DTD1: variants seen among roughly 807,000 people sequenced by gnomAD.
DTD1 encodes the protein D-tyrosyl-tRNA deacylase 1 homolog.
DTD1 carries 13 observed loss-of-function variants against 25.6 expected under a neutral mutation model. That is an observed-to-expected ratio of 0.51 (90% confidence interval 0.33 to 0.81). The LOEUF (loss-of-function observed/expected upper bound fraction) is 0.81. Ranked by LOEUF, DTD1 falls within the 30% of genes least tolerant of loss-of-function variation. The probability of loss-of-function intolerance (pLI) is 0.02; values close to 1 mark genes in which losing one functional copy is unlikely to be tolerated. For missense variants in DTD1, 193 were observed against 266.4 expected (o/e 0.72, Z 1.92); for synonymous variants, 110 against 103.6 (o/e 1.06, Z -0.37).
chr20:18,696,116 A>T (rs923910221), intron 4 of DTD1, among the ~76,000 whole-genome samples: 1 of 152,162 alleles, frequency 6.6e-6, no homozygotes, highest in Non-Finnish European at 1.5e-5. Context: ...TGCTGTTGTC[A>T]TATCTGCACC....
chr20:18,745,881 A>G (rs1329044880), intron 5 of DTD1, among the ~76,000 whole-genome samples: 1 of 152,198 alleles, frequency 6.6e-6, no homozygotes, highest in African/African-American at 2.4e-5. Flanking sequence ...CAAAGTTTAA[A>G]AAGAGCACTC....
At chr20:18,680,417 G>T (rs376015880) in intron 4 of DTD1, among the ~76,000 whole-genome samples, 36 of 105,224 alleles carry the variant, frequency 3.4e-4, no homozygotes, top group African/African-American at 1.2e-3. Flanking sequence ...TGTTGTCTAC[G>T]TTTTTTTTTT....
intron 4 of DTD1, chr20:18,631,985 G>A (rs887209432): frequency 2.3e-6 from 2 of 872,778 alleles, no homozygotes; most frequent in Non-Finnish European, 2.7e-6. Context: ...TACACCATAA[G>A]GAGTGCAGTA....
At chr20:18,715,297 AC>A (rs1427128149) in intron 4 of DTD1, among the ~76,000 whole-genome samples, 1 of 151,956 alleles carries the variant, frequency 6.6e-6, no homozygotes, top group Non-Finnish European at 1.5e-5. Flanking sequence ...CTTGACTGGG[AC>A]CCCTGTTGTT....
chr20:18,706,611 T>G (rs2061127419), intron 4 of DTD1, among the ~76,000 whole-genome samples: 1 of 152,206 alleles, frequency 6.6e-6, no homozygotes, highest in South Asian at 2.1e-4. Flanking sequence ...ACAAGAGTCG[T>G]TGCTTTGACA....
intron 4 of DTD1, among the ~76,000 whole-genome samples, chr20:18,655,675 G>C (rs1433070712): frequency 6.6e-6 from 1 of 152,156 alleles, no homozygotes; most frequent in Non-Finnish European, 1.5e-5. Flanking sequence ...ATCACGTCAG[G>C]GGCAATACCT....
chr20:18,681,992 A>C (rs1310042897), intron 4 of DTD1, among the ~76,000 whole-genome samples: 1 of 152,232 alleles, frequency 6.6e-6, no homozygotes. Flanking sequence ...CAGCGGTGCC[A>C]CTAGCCATGG....
At chr20:18,704,001 C>CTTTT (rs201452682) in intron 4 of DTD1, among the ~76,000 whole-genome samples, 1 of 135,218 alleles carries the variant, frequency 7.4e-6, no homozygotes, top group African/African-American at 2.8e-5. Context: ...TAGTTGGTAG[C>CTTTT]TTTTTTTTTT....
chr20:18,671,023 T>C (rs1194415443), intron 4 of DTD1, among the ~76,000 whole-genome samples: 1 of 152,206 alleles, frequency 6.6e-6, no homozygotes, highest in African/African-American at 2.4e-5. Flanking sequence ...AACTGAGAGA[T>C]GCCTTGTCAA....
chr20:18,686,319 A>G (rs574315211), intron 4 of DTD1, among the ~76,000 whole-genome samples: 5 of 152,274 alleles, frequency 3.3e-5, no homozygotes, highest in East Asian at 1.9e-4. Context: ...CCAATCTCCT[A>G]TTGTTGGATA....
Position 18,763,592 on chromosome 20 carries a change from G to A in DTD1, c.*252G>A, listed in dbSNP as rs914817314. The stretch of plus-strand genomic sequence containing the variant: ...CCAGGGGGCGGGTGCGCATGTGGTA[G>A]AAGGTGTGCGCTCGTGCCTCCCCCA... On this transcript the variant is annotated 3_prime_UTR_variant, in exon 6 of 6. Coordinates refer to ENST00000377452, the MANE Select transcript of DTD1 (RefSeq NM_080820.6). 6.5e-6 allele frequency: 1 copy of A among 152,726 alleles called. No homozygotes were observed. The highest frequency in any genetic ancestry group is 2.4e-5 in the African/African-American group (1 of 41,472). 9.5% of individuals were successfully genotyped at this position (152,726 alleles called of 1,614,324 possible).
At chr20:18,679,084 C>T (rs749124524) in intron 4 of DTD1, 2 of 152,210 alleles carry the variant, frequency 1.3e-5, no homozygotes, top group African/African-American at 4.8e-5. Flanking sequence ...GTGAGCCACA[C>T]CCTTAACCAG....
At chr20:18,763,145 A>C (rs6081362) in intron 5 of DTD1, among the ~76,000 whole-genome samples, 6 of 152,034 alleles carry the variant, frequency 3.9e-5, no homozygotes, top group Admixed American at 3.9e-4. Context: ...ATGGAGTTTT[A>C]ATGAACTGGA....
intron 4 of DTD1, among the ~76,000 whole-genome samples, chr20:18,645,496 A>G (rs565608568): frequency 6.6e-6 from 1 of 152,192 alleles, no homozygotes; most frequent in South Asian, 2.1e-4. Flanking sequence ...TGTGGCCTCA[A>G]TATCTAAAAT....
intron 4 of DTD1, among the ~76,000 whole-genome samples, chr20:18,644,257 TAAC>T (rs2060842041): frequency 6.6e-6 from 1 of 152,032 alleles, no homozygotes; most frequent in Non-Finnish European, 1.5e-5. Context: ...GAGAATGGTA[TAAC>T]AACACCTCAC....
intron 4 of DTD1, among the ~76,000 whole-genome samples, chr20:18,717,376 G>T (rs2061185241): frequency 6.6e-6 from 1 of 152,126 alleles, no homozygotes; most frequent in African/African-American, 2.4e-5. Flanking sequence ...CATTTTTCTT[G>T]ACTGCAAATG....
At chr20:18,620,508 T>C (rs1339385238) in intron 3 of DTD1, among the ~76,000 whole-genome samples, 2 of 152,252 alleles carry the variant, frequency 1.3e-5, no homozygotes, top group Admixed American at 1.3e-4. Context: ...GGATGGAATA[T>C]ATTTCTTTAA....
At chr20:18,750,623 G>T (rs1302586265) in intron 5 of DTD1, among the ~76,000 whole-genome samples, 1 of 152,206 alleles carries the variant, frequency 6.6e-6, no homozygotes, top group Non-Finnish European at 1.5e-5. Context: ...CATTGCAAAT[G>T]TTGCTTCTTA....
chr20:18,756,587 T>C (rs2061340234), intron 5 of DTD1, among the ~76,000 whole-genome samples: 1 of 152,208 alleles, frequency 6.6e-6, no homozygotes, highest in Non-Finnish European at 1.5e-5. Context: ...TGTAGATGTG[T>C]GGAATTATTT....
Sources: allele counts gnomAD v4.1 joint callset (sites outside exome capture counted in the v4.1 genomes callset), GRCh38; gene constraint gnomAD v4.1.1; transcripts MANE v1.5; gene names NCBI Gene and HGNC (gene_info 2026-07-23, HGNC 2026-07-21).